TSHR: variants seen among roughly 807,000 people sequenced by gnomAD.
The protein encoded by TSHR is thyroid stimulating hormone receptor.
TSHR carries 51 observed loss-of-function variants against 64.1 expected under a neutral mutation model. The observed-to-expected ratio is 0.80, with a 90% CI of 0.64 to 1.01. The LOEUF is 1.01. TSHR is among the 50% of genes least tolerant of loss of function. The pLI, the probability that TSHR is intolerant of heterozygous loss-of-function variation, is 0.00. For missense variants in TSHR, 877 were observed against 942.8 expected (o/e 0.93, Z 0.91); for synonymous variants, 361 against 361.9 (o/e 1.00, Z 0.03).
At chr14:80,969,049 T>C (rs1230709388) in intron 1 of TSHR, among the ~76,000 whole-genome samples, 2 of 152,174 alleles carry the variant, frequency 1.3e-5, no homozygotes, top group African/African-American at 4.8e-5. Flanking sequence ...AATTCTATCA[T>C]TGCCCCCGGG....
intron 1 of TSHR, among the ~76,000 whole-genome samples, chr14:81,025,980 A>T (rs778505982): frequency 6.6e-6 from 1 of 152,308 alleles, no homozygotes; most frequent in Admixed American, 6.5e-5. Flanking sequence ...ATCAAGGGGT[A>T]AGACATGATA....
intron 1 of TSHR, among the ~76,000 whole-genome samples, chr14:81,045,474 G>C (rs1885130279): frequency 6.6e-6 from 1 of 152,116 alleles, no homozygotes; most frequent in Non-Finnish European, 1.5e-5. Context: ...ATGGTGGTTT[G>C]CTGCACCTAT....
rs1181230165 is a variant in TSHR at position 81,145,293 on chromosome 14, A to G, written c.*940A>G. 1 of 233,046 alleles carries G rather than the reference A, an allele frequency of 4.3e-6. No individual in the cohort carries two copies. The highest frequency in any genetic ancestry group is 8.5e-6 in the Non-Finnish European group (1 of 118,002). The allele number at this position is 233,046 out of a possible 1,614,324, so 14.4% of individuals were successfully genotyped here. ...TTTCCCTCAAATATATATTTCTAAG[A>G]TAAAGAGAAAGAAGAGCACTAAGTA... On this transcript the variant is annotated 3_prime_UTR_variant, in exon 10 of 10. Transcript: ENST00000298171.
At chr14:81,105,754 C>T (rs1288730323) in intron 7 of TSHR, among the ~76,000 whole-genome samples, 1 of 152,188 alleles carries the variant, frequency 6.6e-6, no homozygotes, top group African/African-American at 2.4e-5. Flanking sequence ...CTGAATTTCA[C>T]TTGCAGCAGT....
At chr14:81,064,445 T>C (rs537179362) in intron 2 of TSHR, among the ~76,000 whole-genome samples, 3 of 152,078 alleles carry the variant, frequency 2.0e-5, no homozygotes, top group Non-Finnish European at 4.4e-5. Context: ...GAGGTGCAGT[T>C]ATATTGAGTA....
intron 7 of TSHR, among the ~76,000 whole-genome samples, chr14:81,097,655 A>G (rs1649374344): frequency 1.3e-5 from 2 of 152,186 alleles, no homozygotes; most frequent in African/African-American, 2.4e-5. Flanking sequence ...ACACTCATGT[A>G]GATTATGTGA....
chr14:81,048,899 T>C (rs1885299310), intron 1 of TSHR, among the ~76,000 whole-genome samples: 1 of 152,200 alleles, frequency 6.6e-6, no homozygotes, highest in Non-Finnish European at 1.5e-5. Context: ...AATGTATATA[T>C]AGTTCACATT....
At chr14:81,065,168 A>T (rs768318814) in intron 2 of TSHR, among the ~76,000 whole-genome samples, 12 of 152,094 alleles carry the variant, frequency 7.9e-5, no homozygotes, top group Non-Finnish European at 1.0e-4. Context: ...ACCCCACAAC[A>T]GGAGAGGCCA....
At chr14:81,001,391 G>A in intron 1 of TSHR, 1 of 402,996 alleles carries the variant, frequency 2.5e-6, no homozygotes, top group Non-Finnish European at 4.9e-6. Flanking sequence ...ACATGCATGG[G>A]TTAATCCGAC....
intron 1 of TSHR, chr14:80,992,804 T>G (rs1180897728): frequency 6.6e-6 from 1 of 152,162 alleles, no homozygotes; most frequent in Non-Finnish European, 1.5e-5. Flanking sequence ...GAGGTCATGG[T>G]AAAAACATCT....
At chr14:80,987,046 C>A (rs1190077493) in intron 1 of TSHR, among the ~76,000 whole-genome samples, 2 of 152,182 alleles carry the variant, frequency 1.3e-5, no homozygotes, top group Non-Finnish European at 1.5e-5. Context: ...CACTATCGAC[C>A]CTTCCTTTTT....
Position 81,096,596 on chromosome 14 carries a change from C to T in TSHR, c.546-43C>T, listed in dbSNP as rs771437256. ...ACTCTCCAGAAACAGGCCAGCACCA[C>T]TTCTCACCAGTCACTGATTTCTCTT... On this transcript the variant is annotated intron_variant, in intron 6 of 9. Coordinates refer to ENST00000298171, the MANE Select transcript of TSHR (RefSeq NM_000369.5). 103 of 1,598,460 alleles carry T rather than the reference C, an allele frequency of 6.4e-5. No individual in the cohort carries two copies. In the East Asian group the frequency reaches 2.1e-3, roughly 33 times the overall value.
At position 81,144,301 on chromosome 14, in the gene TSHR, C is replaced by T. The variant is rs759180104; in HGVS notation, c.2243C>T (p.Thr748Ile). The T allele has an allele frequency of 1.2e-6, 2 of 1,614,018 alleles. No individual in the cohort carries two copies. The highest frequency in any genetic ancestry group is 1.7e-6 in the Non-Finnish European group (2 of 1,180,034). Residue 748 changes from threonine to isoleucine, a missense_variant, in exon 10 of 10, where the codon ACC (threonine) becomes ATC (isoleucine). Thr to Ile is a moderately conservative substitution (Grantham distance 89, BLOSUM62 -1). Coordinates refer to ENST00000298171, the MANE Select transcript of TSHR (RefSeq NM_000369.5). ...VYELIENSHLTPKKQGQISEE... is the reference protein window; with the variant it reads ...VYELIENSHLIPKKQGQISEE... Reference sequence around the variant, plus strand: ...GAACTGATTGAAAACTCCCATCTAACCCCAAAGAAGCAAGGCCAAATCTCA... The same window carrying T: ...GAACTGATTGAAAACTCCCATCTAATCCCAAAGAAGCAAGGCCAAATCTCA...
chr14:81,095,918 T>C (rs985174527), intron 6 of TSHR, among the ~76,000 whole-genome samples: 4 of 151,956 alleles, frequency 2.6e-5, no homozygotes, highest in Non-Finnish European at 4.4e-5. Flanking sequence ...CACATGCCTA[T>C]AGTCCCAACT....
chr14:81,142,862 G>C, intron 9 of TSHR, 78 bp from the exon 10 acceptor site: 1 of 1,296,498 alleles, frequency 7.7e-7, no homozygotes, highest in Non-Finnish European at 1.1e-6. Flanking sequence ...CACCTGCCTT[G>C]GCCTCCCAAA....
chr14:81,069,874 A>G (rs1886934404), intron 3 of TSHR, among the ~76,000 whole-genome samples: 1 of 152,224 alleles, frequency 6.6e-6, no homozygotes, highest in South Asian at 2.1e-4. Context: ...TCAGACACAG[A>G]CTTTAAAATA....
intron 1 of TSHR, among the ~76,000 whole-genome samples, chr14:80,957,095 G>A (rs1886734801): frequency 6.6e-6 from 1 of 151,948 alleles, no homozygotes; most frequent in Admixed American, 6.6e-5. Context: ...AGAACTTCTG[G>A]CACTTCCCCA....
At chr14:80,991,566 G>A in intron 1 of TSHR, 1 of 398,576 alleles carries the variant, frequency 2.5e-6, no homozygotes, top group Non-Finnish European at 4.4e-6. Flanking sequence ...GAGGAAAAAA[G>A]TCTGGGAATT....
intron 9 of TSHR, among the ~76,000 whole-genome samples, 196 bp from the exon 10 acceptor site, chr14:81,142,744 C>T (rs532456627): frequency 9.9e-5 from 15 of 151,466 alleles, no homozygotes; most frequent in South Asian, 4.2e-4. Flanking sequence ...CGAGTAGCTA[C>T]GACCATAGGC....
Sources: allele counts gnomAD v4.1 joint callset (sites outside exome capture counted in the v4.1 genomes callset), GRCh38; gene constraint gnomAD v4.1.1; transcripts MANE v1.5; gene names NCBI Gene and HGNC (gene_info 2026-07-23, HGNC 2026-07-21).